RFX7: variants seen among roughly 807,000 people sequenced by gnomAD.
The protein encoded by RFX7 is regulatory factor X7.
In RFX7, 26 loss-of-function variants were observed where a neutral mutation model predicts 111.8. The observed-to-expected ratio is 0.23, with a 90% CI of 0.17 to 0.32. The LOEUF (loss-of-function observed/expected upper bound fraction) is 0.32, where lower values mean the gene tolerates loss of function less well. Among genes scored for constraint, RFX7 ranks in the 10% least tolerant of loss-of-function variants. RFX7 has a pLI of 1.00. For missense variants in RFX7, 1,573 were observed against 1,772.9 expected, an observed-to-expected ratio of 0.89 and a Z score of 2.02; for synonymous variants, 624 against 624.4, an observed-to-expected ratio of 1.00 and a Z score of 0.01.
At chr15:56,111,245 T>G (rs1490224555) in intron 5 of RFX7, among the ~76,000 whole-genome samples, 1 of 149,452 alleles carries the variant, frequency 6.7e-6, no homozygotes, top group Non-Finnish European at 1.5e-5. Flanking sequence ...ATCGGATGGT[T>G]GCCGTGTCTG....
At chr15:56,126,646 T>C (rs1270070638) in intron 5 of RFX7, among the ~76,000 whole-genome samples, 2 of 152,214 alleles carry the variant, frequency 1.3e-5, no homozygotes, top group African/African-American at 2.4e-5. Context: ...AAAGTATATG[T>C]TGTCTATATA....
intron 2 of RFX7, among the ~76,000 whole-genome samples, chr15:56,212,324 A>G (rs1454039932): frequency 1.3e-5 from 2 of 152,196 alleles, no homozygotes; most frequent in Non-Finnish European, 2.9e-5. Context: ...AGACAGTACA[A>G]AGATCAGTGG....
At chr15:56,139,970 C>A (rs577625518) in intron 5 of RFX7, among the ~76,000 whole-genome samples, 1 of 152,102 alleles carries the variant, frequency 6.6e-6, no homozygotes, top group African/African-American at 2.4e-5. Flanking sequence ...GCAGTCTGCC[C>A]GTTCTCAGAT....
intron 2 of RFX7, among the ~76,000 whole-genome samples, chr15:56,236,242 G>A (rs2718915): frequency 0.37 from 56,176 of 151,912 alleles, 10,690 homozygotes; most frequent in Non-Finnish European, 0.41. Context: ...ATTTACAGTC[G>A]CAAAAAAAGA....
At chr15:56,172,910 G>A (rs962675090) in intron 3 of RFX7, among the ~76,000 whole-genome samples, 7 of 152,138 alleles carry the variant, frequency 4.6e-5, no homozygotes, top group African/African-American at 1.4e-4. Context: ...AACTCTCCCA[G>A]CACCACCATC....
At chr15:56,232,114 C>T (rs1459088365) in intron 2 of RFX7, among the ~76,000 whole-genome samples, 2 of 152,150 alleles carry the variant, frequency 1.3e-5, no homozygotes, top group Non-Finnish European at 2.9e-5. Context: ...GGCAAGCTAT[C>T]GGTGGATCTA....
intron 5 of RFX7, among the ~76,000 whole-genome samples, chr15:56,129,471 T>C (rs1264992041): frequency 6.6e-6 from 1 of 152,108 alleles, no homozygotes; most frequent in Non-Finnish European, 1.5e-5. Context: ...ATAAAAGTGA[T>C]TGTCTTTATT....
chr15:56,141,646 G>C lies in RFX7; in HGVS notation c.401+1132C>G, dbSNP rs28637416. On this transcript the variant is annotated intron_variant, in intron 5 of 9. Transcript: ENST00000559447. ...AACTTGAATTTAATGAAGAATCTAT[G>C]CTTACTCTAAATATATATATATATA... Among the ~76,000 whole-genome samples the C allele has an allele frequency of 3.5e-3, 172 of 49,076 alleles. 1 individual carries two copies. Among genetic ancestry groups the C allele is most frequent in the African/African-American group, 0.025 (160 of 6,432 alleles). 32.2% of individuals were successfully genotyped at this position (49,076 alleles called of 152,430 possible). A position where few individuals can be genotyped will look rare whatever the true frequency, so the allele number is the denominator to read the frequency against.
chr15:56,147,909 G>C (rs551155812), intron 3 of RFX7, among the ~76,000 whole-genome samples: 1 of 152,216 alleles, frequency 6.6e-6, no homozygotes, highest in Admixed American at 6.5e-5. Flanking sequence ...TTGCACATTT[G>C]GAAAACATAT....
At chr15:56,229,456 G>A (rs955013564) in intron 2 of RFX7, among the ~76,000 whole-genome samples, 4 of 152,002 alleles carry the variant, frequency 2.6e-5, no homozygotes, top group African/African-American at 4.8e-5. Context: ...TAGTAGAGAC[G>A]GGGTTTCACC....
In RFX7 at chr15:56,096,131, A is replaced by G; in HGVS notation, c.1597T>C (p.Ser533Pro). 7 of 1,613,798 alleles carry G rather than the reference A, an allele frequency of 4.3e-6. No homozygotes were observed. The highest frequency in any genetic ancestry group is 5.9e-6 in the Non-Finnish European group (7 of 1,179,854). The change falls in exon 10 of 10, where the codon TCT (serine) becomes CCT (proline). Residue 533 changes from serine to proline, a missense_variant. Ser to Pro is a moderately conservative substitution (Grantham distance 74). Coordinates refer to ENST00000559447, the MANE Select transcript of RFX7 (RefSeq NM_022841.7). The stretch of plus-strand genomic sequence containing the variant: ...GGTTCCACTTTGACTTCCACAGCAG[A>G]TGTTCCCCCCGCACTGCTGCTCCTG... ...GSRSSSAGGT[S>P]AVEVKVEPET...
intron 5 of RFX7, among the ~76,000 whole-genome samples, chr15:56,135,076 C>T (rs1383514484): frequency 4.6e-5 from 7 of 152,132 alleles, no homozygotes; most frequent in Admixed American, 2.6e-4. Context: ...AATAAACATA[C>T]GTGTGCATGT....
chr15:56,118,228 AT>A (rs1327467029), intron 5 of RFX7, among the ~76,000 whole-genome samples: 1 of 152,062 alleles, frequency 6.6e-6, no homozygotes, highest in Non-Finnish European at 1.5e-5. Context: ...AAAATGTACA[AT>A]TTAATTATTC....
At chr15:56,097,173 A>G (rs1376884988) in intron 9 of RFX7, among the ~76,000 whole-genome samples, 6 of 152,170 alleles carry the variant, frequency 3.9e-5, no homozygotes, top group Non-Finnish European at 1.5e-5. Context: ...AAAACGACAA[A>G]ATACTTCCTA....
At chr15:56,199,649 A>C (rs72738648) in intron 2 of RFX7, among the ~76,000 whole-genome samples, 19,797 of 152,140 alleles carry the variant, frequency 0.13, 1,678 homozygotes, top group East Asian at 0.44. Flanking sequence ...TCTTCAAATA[A>C]ATTTATTTAG....
At chr15:56,104,568 G>A (rs181297711) in intron 5 of RFX7, among the ~76,000 whole-genome samples, 83 of 152,248 alleles carry the variant, frequency 5.5e-4, no homozygotes, top group African/African-American at 1.9e-3. Flanking sequence ...TGGAACACAT[G>A]GTGGGCAGGG....
chr15:56,112,809 A>G (rs2041957707), intron 5 of RFX7, among the ~76,000 whole-genome samples: 1 of 144,920 alleles, frequency 6.9e-6, no homozygotes, highest in African/African-American at 2.4e-5. Flanking sequence ...TTACCAGATA[A>G]AAACAAACAA....
intron 2 of RFX7, among the ~76,000 whole-genome samples, chr15:56,231,264 G>C (rs1237746714): frequency 1.3e-5 from 2 of 152,138 alleles, no homozygotes; most frequent in African/African-American, 4.8e-5. Context: ...TATGGTCTTG[G>C]CAGTCATATT....
intron 2 of RFX7, among the ~76,000 whole-genome samples, chr15:56,189,157 C>T (rs545719770): frequency 7.9e-5 from 12 of 152,212 alleles, no homozygotes; most frequent in African/African-American, 1.7e-4. Context: ...GAAGCCAAGG[C>T]GGAAAAATTG....
Sources: gnomAD v4.1 joint callset for allele counts (sites outside exome capture counted in the v4.1 genomes callset) on GRCh38, gnomAD v4.1.1 for gene constraint, MANE v1.5 for transcripts, NCBI Gene and HGNC (gene_info 2026-07-23, HGNC 2026-07-21) for gene names.